HID1: variants seen among roughly 807,000 people sequenced by gnomAD.
HID1 encodes the protein protein HID1.
HID1 carries 42 observed loss-of-function variants against 89.7 expected under a neutral mutation model. The observed-to-expected ratio is 0.47, with a 90% CI of 0.37 to 0.61. The LOEUF (loss-of-function observed/expected upper bound fraction) is 0.61. Among genes scored for constraint, HID1 ranks in the 20% least tolerant of loss-of-function variants. HID1 has a pLI of 0.00. For synonymous variants in HID1, 442 were observed against 433.8 expected (o/e 1.02, Z -0.24); for missense variants, 854 against 1,039.3 (o/e 0.82, Z 2.45).
chr17:74,953,140 G>T, intron 15 of HID1, 54 bp from the exon 16 acceptor site: 1 of 1,375,110 alleles, frequency 7.3e-7, no homozygotes, highest in South Asian at 1.3e-5. Flanking sequence ...GTGAGGGGTG[G>T]AGTGGGGGGC....
intron 1 of HID1, among the ~76,000 whole-genome samples, chr17:74,971,599 G>A (rs985706764): frequency 1.3e-5 from 2 of 152,140 alleles, no homozygotes; most frequent in African/African-American, 4.8e-5. Flanking sequence ...CAGGAGGTGG[G>A]GGGGCCAGGA....
At chr17:74,963,432 G>A (rs978498646) in intron 3 of HID1, 22 of 508,404 alleles carry the variant, frequency 4.3e-5, no homozygotes, top group Admixed American at 1.1e-4. Context: ...AGAGAGGACA[G>A]TGTGGTCCCT....
rs368292874 is a variant in HID1 at position 74,961,946 on chromosome 17, T to C, written c.655A>G (p.Met219Val). 8.7e-6 allele frequency: 14 copies of C among 1,602,312 alleles called. No homozygotes were observed. The highest frequency in any genetic ancestry group is 2.3e-5 in the East Asian group (1 of 44,292). The part of the protein sequence containing the change: ...KLLLTCFSEA[M>V]YLPPAPESGS... Reference sequence around the variant, plus strand: ...CTTTCCGGAGCTGGGGGCAGGTACATGGCCTCGGAGAAGCATGTCAGCAGC... The same window carrying C: ...CTTTCCGGAGCTGGGGGCAGGTACACGGCCTCGGAGAAGCATGTCAGCAGC... Residue 219 changes from methionine (M) to valine (V), a missense_variant, in exon 6 of 19, where the codon ATG (methionine) becomes GTG (valine). Met to Val is a conservative substitution (Grantham distance 21). Transcript: ENST00000425042.
chr17:74,963,964 G>A, intron 2 of HID1, 54 bp from the exon 3 acceptor site: 4 of 1,597,380 alleles, frequency 2.5e-6, no homozygotes, highest in East Asian at 4.5e-5. Context: ...AAAGGACCCT[G>A]GCACTTGGGG....
At position 74,953,093 on chromosome 17, in the gene HID1, C is replaced by A. The variant is rs1195339300; in HGVS notation, c.1972-7G>T. Reference sequence around the variant, plus strand: ...TCCATGCCTGGCTGGGCTCCTGGCCCCCAGAAAGGAACAGGGGTGAGGGAT... The same window carrying A: ...TCCATGCCTGGCTGGGCTCCTGGCCACCAGAAAGGAACAGGGGTGAGGGAT... On this transcript the variant is annotated splice_polypyrimidine_tract_variant and splice_region_variant and intron_variant, in intron 15 of 18. Coordinates refer to ENST00000425042, the MANE Select transcript of HID1 (RefSeq NM_030630.3). 2 of 1,600,766 alleles carry A rather than the reference C, an allele frequency of 1.2e-6. No homozygotes were observed. Among genetic ancestry groups the A allele is most frequent in the Admixed American group, 3.4e-5 (2 of 58,388 alleles).
chr17:74,964,358 G>A (rs1299337846), intron 2 of HID1, 125 bp downstream of exon 2: 3 of 1,076,028 alleles, frequency 2.8e-6, no homozygotes, highest in South Asian at 1.6e-5. Flanking sequence ...CAGAGAAGTG[G>A]AAGAGCTGAG....
intron 12 of HID1, among the ~76,000 whole-genome samples, 197 bp from the exon 13 acceptor site, chr17:74,956,153 C>T (rs2039388210): frequency 6.6e-6 from 1 of 152,126 alleles, no homozygotes; most frequent in Non-Finnish European, 1.5e-5. Flanking sequence ...TTAGGCCCCA[C>T]CCTCACCCCT....
chr17:74,958,466 A>G lies in HID1; in HGVS notation c.1253T>C (p.Leu418Pro). The G allele has an allele frequency of 6.3e-7, 1 of 1,595,676 alleles. No homozygotes were observed. Among genetic ancestry groups the G allele is most frequent in the Non-Finnish European group, 8.5e-7 (1 of 1,171,192 alleles). The change falls in exon 11 of 19, where the codon CTG (leucine) becomes CCG (proline). Residue 418 changes from leucine (L) to proline (P), a missense_variant. Physicochemically the swap from Leu to Pro is moderately conservative, Grantham distance 98. Coordinates refer to ENST00000425042, the MANE Select transcript of HID1 (RefSeq NM_030630.3). The surrounding 1 kb of genome is among the most constrained non-coding windows in gnomAD (Gnocchi z 5.2). ...DARADQSRVG[L>P]MHIGVFILLL... is the part of the protein sequence containing the mutation. ...CAAGATGAAGACACCAATGTGCATC[A>G]GGCCCACCCGAGCTGCGGCAGGTGG...
At chr17:74,971,168 C>T (rs946311409) in intron 1 of HID1, among the ~76,000 whole-genome samples, 20 of 152,156 alleles carry the variant, frequency 1.3e-4, no homozygotes, top group African/African-American at 4.1e-4. Flanking sequence ...CCCCAGCTGC[C>T]GAGCCCACAG....
chr17:74,959,484 A>C lies in HID1; in HGVS notation c.1008+397T>G, dbSNP rs1396006777. On this transcript the variant is annotated intron_variant, in intron 8 of 18. Coordinates refer to ENST00000425042, the MANE Select transcript of HID1 (RefSeq NM_030630.3). The surrounding 1 kb of genome is among the most constrained non-coding windows in gnomAD (Gnocchi z 4.6). ...GTTCTGTCATTTACTGAGGCCTGCCACTAGCTGGGGTGAGAAGGCAGCTAG... is the reference window on the plus strand; with the variant it reads ...GTTCTGTCATTTACTGAGGCCTGCCCCTAGCTGGGGTGAGAAGGCAGCTAG... 6.6e-6 allele frequency among the ~76,000 whole-genome samples: 1 copy of C among 152,054 alleles called. No individual in the cohort carries two copies. The highest frequency in any genetic ancestry group is 1.9e-4 in the East Asian group (1 of 5,194).
At chr17:74,961,848 C>G (rs771062692) in intron 6 of HID1, 25 bp downstream of exon 6, 32 of 1,358,078 alleles carry the variant, frequency 2.4e-5, no homozygotes, top group Non-Finnish European at 3.1e-5. Flanking sequence ...GGGAAGAGAG[C>G]GCAGAAAGGC....
chr17:74,964,391 C>G, intron 2 of HID1, 92 bp downstream of exon 2: 9 of 1,407,140 alleles, frequency 6.4e-6, no homozygotes, highest in Non-Finnish European at 8.7e-6. Context: ...GCTGCCTGCC[C>G]CTGTGGGGCG....
At position 74,962,003 on chromosome 17, in the gene HID1, G is replaced by C; in HGVS notation, c.612-14C>G. 3 of 1,541,112 alleles carry C rather than the reference G, an allele frequency of 1.9e-6. No individual in the cohort carries two copies. The highest frequency in any genetic ancestry group is 1.8e-6 in the Non-Finnish European group (2 of 1,139,562). ...AGCAGCTCCATCCTTGTAGGAGGAA[G>C]GGGGAGGGCACCTTAGGATCCCAGT... On this transcript the variant is annotated splice_polypyrimidine_tract_variant and intron_variant, in intron 5 of 18. Coordinates refer to ENST00000425042, the MANE Select transcript of HID1 (RefSeq NM_030630.3). The surrounding 1 kb of genome is among the most constrained non-coding windows in gnomAD (Gnocchi z 4.3).
In HID1 at chr17:74,958,538, A is replaced by G; in HGVS notation, c.1241-60T>C. On this transcript the variant is annotated intron_variant, in intron 10 of 18. Coordinates refer to ENST00000425042, the MANE Select transcript of HID1 (RefSeq NM_030630.3). The surrounding 1 kb of genome is among the most constrained non-coding windows in gnomAD (Gnocchi z 5.2). ...GGGAGGGGGAAGGAGGGGCCCAGGC[A>G]GTGACCATTTTGGAGGCCTCCCTCC... 6.3e-7 allele frequency: 1 copy of G among 1,577,918 alleles called. No homozygotes were observed. The highest frequency in any genetic ancestry group is 1.1e-5 in the South Asian group (1 of 87,126).
Position 74,963,848 on chromosome 17 carries a change from G to T in HID1, c.279C>A (p.Ile93=), listed in dbSNP as rs533342753. 3 of 1,614,076 alleles carry T rather than the reference G, an allele frequency of 1.9e-6. No individual in the cohort carries two copies. Among genetic ancestry groups the T allele is most frequent in the South Asian group, 1.1e-5 (1 of 91,084 alleles). ...TGAGCAGCCGGCTGCAGTTCAGGAC[G>T]ATCTGCTTCTCCTTCTCCGAGTGGC... ...SGCHSEKEKQ[I]VLNCSRLLTR... Residue 93 remains isoleucine, a synonymous_variant, in exon 3 of 19, where the codon ATC becomes ATA. Transcript: ENST00000425042.
In HID1 at chr17:74,959,831, C is replaced by T. The variant is rs1222761383; in HGVS notation, c.1008+50G>A. 4 of 1,588,600 alleles carry T rather than the reference C, an allele frequency of 2.5e-6. No homozygotes were observed. In the East Asian group the frequency reaches 8.9e-5, roughly 36 times the overall value. On this transcript the variant is annotated intron_variant, in intron 8 of 18. Coordinates refer to ENST00000425042, the MANE Select transcript of HID1 (RefSeq NM_030630.3). The surrounding 1 kb of genome is among the most constrained non-coding windows in gnomAD (Gnocchi z 4.6). ...GTCAGGATCCCCCATATCCCTGTCT[C>T]ACTTGCATCCCCCTGCACCCTGCAA...
intron 12 of HID1, among the ~76,000 whole-genome samples, chr17:74,957,002 A>G (rs1329561527): frequency 6.6e-6 from 1 of 152,192 alleles, no homozygotes; most frequent in Non-Finnish European, 1.5e-5. Context: ...CGTGCTTGAA[A>G]CACAGCTAGT....
Position 74,951,337 on chromosome 17 carries a change from G to A in HID1, c.*233C>T. On this transcript the variant is annotated 3_prime_UTR_variant, in exon 19 of 19. Transcript: ENST00000425042. Reference sequence around the variant, plus strand: ...GTGTTGGGGGCAGTGGTCTCTGGTGGGGGCATAGCCCCAGAGATGGGGCTC... The same window carrying A: ...GTGTTGGGGGCAGTGGTCTCTGGTGAGGGCATAGCCCCAGAGATGGGGCTC... 1.7e-6 allele frequency: 1 copy of A among 581,936 alleles called. No homozygotes were observed. The highest frequency in any genetic ancestry group is 3.1e-6 in the Non-Finnish European group (1 of 327,486). 36.0% of individuals were successfully genotyped at this position (581,936 alleles called of 1,614,324 possible).
At chr17:74,956,042 T>C (rs2039386500) in intron 12 of HID1, 86 bp from the exon 13 acceptor site, 2 of 1,365,054 alleles carry the variant, frequency 1.5e-6, no homozygotes, top group South Asian at 2.6e-5. Context: ...AACAGGCTCC[T>C]GCTCTCAATC....
Sources: gnomAD v4.1 joint callset for allele counts (sites outside exome capture counted in the v4.1 genomes callset) on GRCh38, gnomAD v4.1.1 for gene constraint, Gnocchi (gnomAD v3.1) non-coding constraint, MANE v1.5 for transcripts, NCBI Gene and HGNC (gene_info 2026-07-23, HGNC 2026-07-21) for gene names.